Variants in UTRN observed in about 807,000 individuals in gnomAD.
UTRN encodes utrophin.
In UTRN, 283 loss-of-function variants were observed where a neutral mutation model predicts 463.9. That is an observed-to-expected ratio of 0.61 (90% confidence interval 0.55 to 0.67). The LOEUF (loss-of-function observed/expected upper bound fraction) is 0.67. Among genes scored for constraint, UTRN ranks in the 30% least tolerant of loss-of-function variants. The pLI, the probability that UTRN is intolerant of heterozygous loss-of-function variation, is 0.00. For missense variants in UTRN, 3,922 were observed against 4,084.3 expected (o/e 0.96, Z 1.08); for synonymous variants, 1,442 against 1,431.5 (o/e 1.01, Z -0.17).
intron 23 of UTRN, among the ~76,000 whole-genome samples, chr6:144,463,925 A>G (rs568751343): frequency 2.7e-4 from 41 of 151,546 alleles, no homozygotes; most frequent in Non-Finnish European, 4.3e-4. Context: ...ATCTTTATTT[A>G]TATAGAGAGA....
intron 53 of UTRN, among the ~76,000 whole-genome samples, chr6:144,701,119 C>T (rs1450515585): frequency 6.6e-6 from 1 of 152,106 alleles, no homozygotes; most frequent in African/African-American, 2.4e-5. Flanking sequence ...GTTGGTCAGG[C>T]TGGTCTCGAA....
At chr6:144,481,761 A>G (rs542886581) in intron 26 of UTRN, among the ~76,000 whole-genome samples, 1 of 152,348 alleles carries the variant, frequency 6.6e-6, no homozygotes, top group African/African-American at 2.4e-5. Flanking sequence ...TTCTTATTTC[A>G]AAAACGCTCA....
chr6:144,663,454 C>A (rs1188465309), intron 51 of UTRN, among the ~76,000 whole-genome samples: 2 of 152,112 alleles, frequency 1.3e-5, no homozygotes, highest in East Asian at 3.9e-4. Context: ...TATCTCATGA[C>A]TTTAGGGACT....
chr6:144,493,435 T>G lies in UTRN; in HGVS notation c.4572T>G (p.Leu1524=). The G allele has an allele frequency of 6.2e-7, 1 of 1,613,892 alleles. No individual in the cohort carries two copies. Residue 1524 remains leucine (L), a synonymous_variant, in exon 33 of 75, where the codon CTT becomes CTG. Transcript: ENST00000367545. ...AGCAGCTGACTTCCCTGAAGGTTCT[T>G]TACAATGACCTGGGCGCACAGGTGA... ...MDEQLTSLKV[L]YNDLGAQVTE...
At chr6:144,779,948 T>TA (rs35161598) in intron 60 of UTRN, among the ~76,000 whole-genome samples, 111 of 146,500 alleles carry the variant, frequency 7.6e-4, no homozygotes, top group Non-Finnish European at 8.5e-4. Context: ...TTTATCTCTT[T>TA]AAAAAAAAAA....
chr6:144,551,757 C>CA (rs1798939558), intron 48 of UTRN, among the ~76,000 whole-genome samples: 1 of 152,178 alleles, frequency 6.6e-6, no homozygotes, highest in Non-Finnish European at 1.5e-5. Context: ...GCTGCCACTA[C>CA]CCCTTTTCTC....
In UTRN at chr6:144,448,764, G is replaced by A. The variant is rs1184434386; in HGVS notation, c.2067G>A (p.Lys689=). The change falls in exon 17 of 75, where the codon AAG becomes AAA. Residue 689 remains lysine, a synonymous_variant. Transcript: ENST00000367545. The part of the protein sequence containing the change: ...KRQIHVDIEA[K]KKFDAISAEL... ...AGATCCATGTGGATATTGAAGCTAA[G>A]AAAAAGTGAGAAGAGATAGAGAAAT... 6.2e-7 allele frequency: 1 copy of A among 1,611,666 alleles called. No homozygotes were observed. The highest frequency in any genetic ancestry group is 1.7e-4 in the Middle Eastern group (1 of 6,054).
intron 53 of UTRN, among the ~76,000 whole-genome samples, chr6:144,711,279 G>A (rs1305624416): frequency 2.6e-5 from 4 of 151,698 alleles, no homozygotes; most frequent in Non-Finnish European, 5.9e-5. Flanking sequence ...TCACACCTCT[G>A]CACTCCAGCC....
At chr6:144,418,481 C>T (rs553343446) in intron 3 of UTRN, among the ~76,000 whole-genome samples, 1 of 151,842 alleles carries the variant, frequency 6.6e-6, no homozygotes, top group Non-Finnish European at 1.5e-5. Context: ...CCTCGGCCTC[C>T]TAAAGTGCTG....
At position 144,416,053 on chromosome 6, in the gene UTRN, ATG is replaced by A. The variant is rs150925725; in HGVS notation, c.142-5806_142-5805del. Among the ~76,000 whole-genome samples, 1,866 of 146,572 alleles carry A rather than the reference ATG, an allele frequency of 0.013. 70 individuals are homozygous for A. In the East Asian group the frequency reaches 0.14, roughly 11 times the overall value. ...GTAGTCCGTGGATGTGTGTGTGTGTATGTGTGTGTGTGTGTGTGTGGGTGTGT... is the reference window on the plus strand; with the variant it reads ...GTAGTCCGTGGATGTGTGTGTGTGTATGTGTGTGTGTGTGTGTGGGTGTGT... On this transcript the variant is annotated intron_variant, in intron 3 of 74. Coordinates refer to ENST00000367545, the MANE Select transcript of UTRN (RefSeq NM_007124.3).
At chr6:144,653,111 C>G (rs1778985899) in intron 51 of UTRN, among the ~76,000 whole-genome samples, 1 of 152,152 alleles carries the variant, frequency 6.6e-6, no homozygotes, top group Non-Finnish European at 1.5e-5. Flanking sequence ...AGACACTCAG[C>G]TCTCCAGTCC....
intron 51 of UTRN, among the ~76,000 whole-genome samples, chr6:144,635,514 CT>C (rs1402815648): frequency 3.9e-4 from 31 of 80,032 alleles, no homozygotes; most frequent in African/African-American, 6.8e-4. Flanking sequence ...CTTTTTTTTT[CT>C]TTTTTTTTTT....
At chr6:144,820,123 CTG>C (rs1779469664) in intron 65 of UTRN, among the ~76,000 whole-genome samples, 1 of 130,342 alleles carries the variant, frequency 7.7e-6, no homozygotes, top group Admixed American at 8.3e-5. Context: ...CAGTAGAAAA[CTG>C]GGGCTTGGAG....
chr6:144,768,259 T>A (rs1793582231), intron 58 of UTRN, among the ~76,000 whole-genome samples: 1 of 60,498 alleles, frequency 1.7e-5, no homozygotes, highest in Non-Finnish European at 2.4e-5. Context: ...TGAATAATAA[T>A]AGATAGGTGG....
chr6:144,303,353 A>C (rs1392316069), intron 2 of UTRN, among the ~76,000 whole-genome samples: 1 of 152,248 alleles, frequency 6.6e-6, no homozygotes, highest in Non-Finnish European at 1.5e-5. Flanking sequence ...AACAGTATCT[A>C]TAAAGCCGCA....
chr6:144,294,273 T>A (rs1804496502), intron 2 of UTRN, among the ~76,000 whole-genome samples: 1 of 152,184 alleles, frequency 6.6e-6, no homozygotes, highest in Non-Finnish European at 1.5e-5. Context: ...GGCTGAATTA[T>A]GTTGCAAAAG....
intron 40 of UTRN, 104 bp from the exon 41 acceptor site, chr6:144,522,909 CATT>C (rs1796234613): frequency 2.2e-6 from 2 of 916,478 alleles, no homozygotes; most frequent in African/African-American, 1.7e-5. Context: ...GATTATGTCT[CATT>C]ATTATTTCAA....
At chr6:144,464,699 C>T (rs958114388) in intron 23 of UTRN, among the ~76,000 whole-genome samples, 2 of 151,986 alleles carry the variant, frequency 1.3e-5, no homozygotes, top group African/African-American at 4.8e-5. Flanking sequence ...GAGGTTTTAC[C>T]ATGTTGGCCA....
intron 2 of UTRN, chr6:144,331,000 G>A (rs1776295561): frequency 7.1e-6 from 7 of 985,208 alleles, no homozygotes; most frequent in South Asian, 4.7e-5. Context: ...AAACGGAGAC[G>A]GCAGACAGTC....
Sources: allele counts gnomAD v4.1 joint callset (sites outside exome capture counted in the v4.1 genomes callset), GRCh38; gene constraint gnomAD v4.1.1; transcripts MANE v1.5; gene names NCBI Gene and HGNC (gene_info 2026-07-23, HGNC 2026-07-21).